The following DCC variants were observed in gnomAD, a reference collection of about 807,000 sequenced individuals.
DCC encodes the protein netrin receptor DCC.
Under a neutral mutation model 172.5 loss-of-function variants are expected in DCC, and 58 were observed. The ratio of observed to expected loss-of-function variants is 0.34; its 90% CI spans 0.27 to 0.42. The LOEUF (loss-of-function observed/expected upper bound fraction) is 0.42, where lower values mean the gene tolerates loss of function less well. Among genes scored for constraint, DCC ranks in the 10% least tolerant of loss-of-function variants. The pLI is 1.00. For synonymous variants in DCC, 709 were observed against 644.5 expected (o/e 1.10, Z -1.52); for missense variants, 1,740 against 1,791.0 (o/e 0.97, Z 0.51).
chr18:52,341,580 G>C (rs568945085), intron 1 of DCC, among the ~76,000 whole-genome samples: 1 of 152,262 alleles, frequency 6.6e-6, no homozygotes, highest in East Asian at 1.9e-4. Flanking sequence ...ATATTCCAGA[G>C]AACCGGCGCC....
At position 53,018,181 on chromosome 18, in the gene DCC, G is replaced by C. The variant is rs571758220; in HGVS notation, c.986-45124G>C. On this transcript the variant is annotated intron_variant, in intron 5 of 28. Transcript: ENST00000442544. ...CTTAAAAGTTTAATAATAATAAGAA[G>C]TTACAAAAGATTGGAAGCTAGCATC... is the stretch of plus-strand genomic sequence containing the variant. Among the ~76,000 whole-genome samples, 303 of 152,196 alleles carry C rather than the reference G, an allele frequency of 2.0e-3. 4 individuals carry two copies. Among genetic ancestry groups the C allele is most frequent in the African/African-American group, 6.9e-3 (287 of 41,530 alleles).
intron 5 of DCC, among the ~76,000 whole-genome samples, chr18:53,008,163 AT>A (rs1301979033): frequency 6.6e-6 from 1 of 151,882 alleles, no homozygotes; most frequent in African/African-American, 2.4e-5. Flanking sequence ...TCTTTTTGTG[AT>A]TTGTTTTGAA....
At chr18:53,172,094 G>T (rs2055022568) in intron 8 of DCC, among the ~76,000 whole-genome samples, 1 of 152,052 alleles carries the variant, frequency 6.6e-6, no homozygotes, top group African/African-American at 2.4e-5. Context: ...ATATATTCTG[G>T]ATAAAGAAAA....
At chr18:53,292,780 A>G (rs1466972416) in intron 12 of DCC, among the ~76,000 whole-genome samples, 2 of 152,222 alleles carry the variant, frequency 1.3e-5, no homozygotes, top group Non-Finnish European at 2.9e-5. Flanking sequence ...TTTCTCAGAG[A>G]TTTGTAATCT....
intron 13 of DCC, among the ~76,000 whole-genome samples, chr18:53,314,188 C>T (rs2057317856): frequency 6.6e-6 from 1 of 152,118 alleles, no homozygotes; most frequent in South Asian, 2.1e-4. Flanking sequence ...AGCAGGGCCA[C>T]CTGAAACCTG....
chr18:53,005,188 G>C lies in DCC; in HGVS notation c.986-58117G>C, dbSNP rs2041625775. Reference sequence around the variant, plus strand: ...GTTTTGCATAACTTACCCAGTCTCAGGTATTCTGTTATAGTAACACGAAAC... The same window carrying C: ...GTTTTGCATAACTTACCCAGTCTCACGTATTCTGTTATAGTAACACGAAAC... On this transcript the variant is annotated intron_variant, in intron 5 of 28. Coordinates refer to ENST00000442544, the MANE Select transcript of DCC (RefSeq NM_005215.4). Among the ~76,000 whole-genome samples the C allele has an allele frequency of 2.6e-5, 4 of 152,080 alleles. No homozygotes were observed. The South Asian group carries it at 6.2e-4, about 24-fold the overall frequency.
At chr18:52,582,888 T>C (rs769069907) in intron 1 of DCC, among the ~76,000 whole-genome samples, 3 of 152,134 alleles carry the variant, frequency 2.0e-5, no homozygotes, top group African/African-American at 4.8e-5. Context: ...TCTTTGACAG[T>C]TTAATAACAT....
intron 7 of DCC, among the ~76,000 whole-genome samples, chr18:53,147,572 G>A (rs185324090): frequency 7.0e-4 from 107 of 152,168 alleles, no homozygotes; most frequent in African/African-American, 2.6e-3. Flanking sequence ...GGGTAGCAAG[G>A]GGTAAGAGCC....
At chr18:53,365,198 A>T (rs1372644521) in intron 15 of DCC, among the ~76,000 whole-genome samples, 1 of 151,622 alleles carries the variant, frequency 6.6e-6, no homozygotes, top group Non-Finnish European at 1.5e-5. Context: ...TCCTTGCAAT[A>T]GTTTACTGAG....
chr18:53,448,350 G>T (rs1285182135), intron 22 of DCC, among the ~76,000 whole-genome samples: 1 of 152,170 alleles, frequency 6.6e-6, no homozygotes, highest in Non-Finnish European at 1.5e-5. Context: ...TCCTCACATG[G>T]AGAAGGACAG....
chr18:53,372,882 T>C (rs1258277789), intron 15 of DCC, among the ~76,000 whole-genome samples: 2 of 152,100 alleles, frequency 1.3e-5, no homozygotes, highest in Non-Finnish European at 2.9e-5. Context: ...TCAGAGACCA[T>C]GTGATTTCAT....
intron 12 of DCC, among the ~76,000 whole-genome samples, chr18:53,288,870 A>G (rs917150714): frequency 3.9e-5 from 6 of 152,154 alleles, no homozygotes; most frequent in African/African-American, 1.4e-4. Context: ...GGTACAGTAG[A>G]TCAGAATTGA....
chr18:53,132,021 C>T (rs2043664214), intron 7 of DCC, among the ~76,000 whole-genome samples: 1 of 94,316 alleles, frequency 1.1e-5, no homozygotes, highest in Admixed American at 1.6e-4. Flanking sequence ...AAGACAGATT[C>T]TTGCAGTTCA....
At chr18:53,175,079 A>C (rs1009468005) in intron 8 of DCC, among the ~76,000 whole-genome samples, 4 of 152,050 alleles carry the variant, frequency 2.6e-5, no homozygotes, top group African/African-American at 9.7e-5. Flanking sequence ...CAAAAACCAC[A>C]TGATTATCTC....
chr18:52,747,815 A>G (rs755617936), intron 1 of DCC, among the ~76,000 whole-genome samples: 1 of 152,218 alleles, frequency 6.6e-6, no homozygotes, highest in Non-Finnish European at 1.5e-5. Flanking sequence ...GGTTTATCTA[A>G]ATTGATGTCA....
intron 5 of DCC, among the ~76,000 whole-genome samples, chr18:52,942,520 T>A (rs562360308): frequency 5.5e-4 from 83 of 151,962 alleles, no homozygotes; most frequent in Non-Finnish European, 1.1e-3. Context: ...GAAAAAGAGG[T>A]TTAATTGGAC....
At chr18:52,792,463 G>A (rs183753577) in intron 2 of DCC, among the ~76,000 whole-genome samples, 73 of 152,320 alleles carry the variant, frequency 4.8e-4, no homozygotes, top group African/African-American at 1.7e-3. Context: ...AAGCCTTTGG[G>A]TAACACTCAG....
intron 2 of DCC, among the ~76,000 whole-genome samples, chr18:52,782,956 T>C (rs948789928): frequency 1.7e-4 from 26 of 152,186 alleles, no homozygotes; most frequent in Admixed American, 5.2e-4. Flanking sequence ...ATGTATACTG[T>C]TGAAAGGCCT....
intron 5 of DCC, among the ~76,000 whole-genome samples, chr18:53,047,228 C>T (rs2042249965): frequency 1.4e-5 from 1 of 73,724 alleles, no homozygotes; most frequent in Non-Finnish European, 2.8e-5. Flanking sequence ...GCCATCCCTG[C>T]AGGTAGGATA....
Sources: gnomAD v4.1 joint callset for allele counts (sites outside exome capture counted in the v4.1 genomes callset) on GRCh38, gnomAD v4.1.1 for gene constraint, MANE v1.5 for transcripts, NCBI Gene and HGNC (gene_info 2026-07-23, HGNC 2026-07-21) for gene names.